ZNF143: variants seen among roughly 807,000 people sequenced by gnomAD.
The protein encoded by ZNF143 is SPH-binding factor.
A neutral mutation model predicts 74.1 loss-of-function variants in ZNF143; 49 were observed. The ratio of observed to expected loss-of-function variants is 0.66; its 90% CI spans 0.53 to 0.84. The LOEUF (loss-of-function observed/expected upper bound fraction) is 0.84. ZNF143 is among the 40% of genes least tolerant of loss of function. The pLI, the probability that ZNF143 is intolerant of heterozygous loss-of-function variation, is 0.00. For synonymous variants in ZNF143, 304 were observed against 282.8 expected, an observed-to-expected ratio of 1.07 and a Z score of -0.75; for missense variants, 637 against 793.4, an observed-to-expected ratio of 0.80 and a Z score of 2.37.
intron 7 of ZNF143, among the ~76,000 whole-genome samples, chr11:9,483,679 A>C (rs1236799674): frequency 6.7e-6 from 1 of 150,036 alleles, no homozygotes; most frequent in Non-Finnish European, 1.5e-5. Flanking sequence ...TGTTGGTTCA[A>C]GTTATCCTCC....
At chr11:9,504,142 A>C (rs1236805741) in intron 11 of ZNF143, among the ~76,000 whole-genome samples, 1 of 146,540 alleles carries the variant, frequency 6.8e-6, no homozygotes, top group Non-Finnish European at 1.5e-5. Context: ...TGTATTTTTA[A>C]TAGAGATAGG....
intron 7 of ZNF143, among the ~76,000 whole-genome samples, chr11:9,487,947 A>C (rs755773996): frequency 6.6e-6 from 1 of 152,084 alleles, no homozygotes; most frequent in East Asian, 1.9e-4. Flanking sequence ...AGAATCAGCT[A>C]TTGCTTTCTA....
intron 9 of ZNF143, among the ~76,000 whole-genome samples, chr11:9,496,878 G>T (rs778455936): frequency 6.6e-6 from 1 of 151,838 alleles, no homozygotes; most frequent in South Asian, 2.1e-4. Flanking sequence ...GATTACAGGC[G>T]TGAGCCACTG....
chr11:9,514,534 A>G (rs1275760414), intron 13 of ZNF143, among the ~76,000 whole-genome samples: 1 of 152,222 alleles, frequency 6.6e-6, no homozygotes, highest in Non-Finnish European at 1.5e-5. Context: ...TGACGTGTAT[A>G]TAATTGAGAG....
chr11:9,461,720 G>T (rs1855867578), intron 1 of ZNF143: 1 of 151,334 alleles, frequency 6.6e-6, no homozygotes, highest in Non-Finnish European at 1.5e-5. Context: ...CTCCAGTTTT[G>T]GCCAAAAGAG....
At chr11:9,483,723 T>C (rs1467901664) in intron 7 of ZNF143, among the ~76,000 whole-genome samples, 1 of 150,254 alleles carries the variant, frequency 6.7e-6, no homozygotes, top group East Asian at 1.9e-4. Context: ...GGATTATAGG[T>C]GTGAACCAAT....
chr11:9,476,963 C>T (rs999649452), intron 5 of ZNF143, among the ~76,000 whole-genome samples: 3 of 150,226 alleles, frequency 2.0e-5, no homozygotes, highest in African/African-American at 2.4e-5. Context: ...GGGGTTTCAC[C>T]GTGTTAGCCA....
chr11:9,471,897 A>AT (rs924797734), intron 2 of ZNF143, among the ~76,000 whole-genome samples: 112 of 138,378 alleles, frequency 8.1e-4, no homozygotes, highest in African/African-American at 1.8e-3. Context: ...AGGGCAGGGA[A>AT]TTTTTTTTTT....
At chr11:9,513,857 C>T (rs527450283) in intron 13 of ZNF143, among the ~76,000 whole-genome samples, 4 of 152,226 alleles carry the variant, frequency 2.6e-5, no homozygotes, top group Non-Finnish European at 4.4e-5. Flanking sequence ...CACTACACTC[C>T]GGCCTGGACA....
At chr11:9,467,237 G>GTT (rs10709761) in intron 1 of ZNF143, among the ~76,000 whole-genome samples, 1 of 127,328 alleles carries the variant, frequency 7.9e-6, no homozygotes, top group East Asian at 2.3e-4. Flanking sequence ...AAAGGAAAGT[G>GTT]TTTTTTTTTT....
At chr11:9,506,705 T>G (rs549892977) in intron 11 of ZNF143, among the ~76,000 whole-genome samples, 8 of 152,342 alleles carry the variant, frequency 5.3e-5, no homozygotes, top group African/African-American at 1.9e-4. Context: ...GGGTCTGGGC[T>G]GGAAGAAAAG....
chr11:9,485,154 A>G (rs1847419848), intron 7 of ZNF143, among the ~76,000 whole-genome samples: 1 of 150,990 alleles, frequency 6.6e-6, no homozygotes. Context: ...GTAAAGTACA[A>G]AGAAGAAAAC....
chr11:9,480,770 C>G (rs908457703), intron 7 of ZNF143, among the ~76,000 whole-genome samples: 4 of 151,610 alleles, frequency 2.6e-5, no homozygotes, highest in African/African-American at 9.7e-5. Context: ...GCCTATAATC[C>G]TAGCTACTCA....
intron 13 of ZNF143, among the ~76,000 whole-genome samples, chr11:9,512,800 G>A (rs912376676): frequency 2.0e-5 from 3 of 152,166 alleles, no homozygotes; most frequent in Non-Finnish European, 2.9e-5. Flanking sequence ...AATCCGAATG[G>A]TATTCTTGGT....
At chr11:9,514,243 C>T (rs1012861650) in intron 13 of ZNF143, among the ~76,000 whole-genome samples, 2 of 152,148 alleles carry the variant, frequency 1.3e-5, no homozygotes, top group South Asian at 4.1e-4. Context: ...TCTCATGGCT[C>T]CTCTCCGACC....
intron 12 of ZNF143, among the ~76,000 whole-genome samples, chr11:9,511,964 G>A (rs1270398254): frequency 6.6e-6 from 1 of 150,546 alleles, no homozygotes; most frequent in Non-Finnish European, 1.5e-5. Context: ...TGTTAGCCAG[G>A]ATGGTCTCGA....
chr11:9,484,373 T>A, intron 7 of ZNF143, among the ~76,000 whole-genome samples: 1 of 151,134 alleles, frequency 6.6e-6, no homozygotes, highest in Non-Finnish European at 1.5e-5. Context: ...TTTTATATTT[T>A]TGTTAAAGAA....
chr11:9,472,655 A>G (rs1450629359), intron 2 of ZNF143, 22 bp from the exon 3 acceptor site: 1 of 1,600,988 alleles, frequency 6.2e-7, no homozygotes, highest in Admixed American at 1.7e-5. Flanking sequence ...GTCTAAAGAA[A>G]ATATTGATTT....
At chr11:9,508,897 TA>T (rs1472937297) in intron 12 of ZNF143, 51 bp downstream of exon 12, 1 of 1,504,958 alleles carries the variant, frequency 6.6e-7, no homozygotes, top group Admixed American at 2.0e-5. Context: ...AATCAACAGT[TA>T]TGAACATAAT....
Sources: gnomAD v4.1 joint callset for allele counts (sites outside exome capture counted in the v4.1 genomes callset) on GRCh38, gnomAD v4.1.1 for gene constraint, MANE v1.5 for transcripts, NCBI Gene and HGNC (gene_info 2026-07-23, HGNC 2026-07-21) for gene names.